CPNE4: variants seen among roughly 807,000 people sequenced by gnomAD.
CPNE4 encodes copine 4.
A neutral mutation model predicts 67.9 loss-of-function variants in CPNE4; 25 were observed. That is an observed-to-expected ratio of 0.37 (90% CI 0.27 to 0.51). CPNE4 has a LOEUF of 0.51. CPNE4 is among the 20% of genes least tolerant of loss of function. The probability of loss-of-function intolerance (pLI) is 0.93; values close to 1 mark genes in which losing one functional copy is unlikely to be tolerated. For synonymous variants in CPNE4, 242 were observed against 244.9 expected (o/e 0.99, Z 0.11); for missense variants, 464 against 690.8 (o/e 0.67, Z 3.68).
intron 1 of CPNE4, among the ~76,000 whole-genome samples, chr3:132,001,549 A>AGAAGAGAAGG (rs60979385): frequency 9.1e-6 from 1 of 110,426 alleles, no homozygotes; most frequent in Non-Finnish European, 1.9e-5. Context: ...AGACAAAGAA[A>AGAAGAGAAGG]AAAGAGAAAG....
chr3:131,637,194 C>T (rs911669912), intron 7 of CPNE4, among the ~76,000 whole-genome samples: 1 of 152,164 alleles, frequency 6.6e-6, no homozygotes, highest in African/African-American at 2.4e-5. Context: ...AAGGCAAAAT[C>T]TCTGAATTGC....
intron 1 of CPNE4, among the ~76,000 whole-genome samples, chr3:132,002,591 A>G (rs1020774372): frequency 1.3e-5 from 2 of 152,114 alleles, no homozygotes; most frequent in African/African-American, 4.8e-5. Context: ...GGAAGTTTGC[A>G]GTTTGTGAAA....
chr3:131,719,587 T>A (rs1027134345), intron 3 of CPNE4, among the ~76,000 whole-genome samples: 1 of 152,218 alleles, frequency 6.6e-6, no homozygotes, highest in Non-Finnish European at 1.5e-5. Context: ...TCATATGTGC[T>A]ATCTCCATCA....
intron 2 of CPNE4, among the ~76,000 whole-genome samples, chr3:131,788,396 G>A (rs2083622636): frequency 6.6e-6 from 1 of 151,964 alleles, no homozygotes. Context: ...ATGATGAAGA[G>A]CATAACAGAA....
At chr3:131,731,815 A>G (rs1220156776) in intron 2 of CPNE4, among the ~76,000 whole-genome samples, 1 of 152,178 alleles carries the variant, frequency 6.6e-6, no homozygotes, top group Admixed American at 6.5e-5. Flanking sequence ...TGCCAGCTCT[A>G]TCTTGCTGTA....
chr3:131,969,928 T>C (rs2072458447), intron 1 of CPNE4, among the ~76,000 whole-genome samples: 1 of 152,190 alleles, frequency 6.6e-6, no homozygotes, highest in Non-Finnish European at 1.5e-5. Flanking sequence ...TCTACCTATA[T>C]AATGGATTTT....
intron 3 of CPNE4, among the ~76,000 whole-genome samples, chr3:131,716,098 T>TA (rs1355639214): frequency 6.6e-6 from 1 of 152,212 alleles, no homozygotes; most frequent in African/African-American, 2.4e-5. Flanking sequence ...GCTGTGCTTA[T>TA]ACTCAGCTTT....
intron 7 of CPNE4, among the ~76,000 whole-genome samples, chr3:131,590,770 G>A (rs940985312): frequency 2.6e-5 from 4 of 152,170 alleles, no homozygotes. Context: ...AATTTGGTGG[G>A]ATGTTTTTAA....
chr3:131,838,858 T>C (rs1403294226), intron 2 of CPNE4, among the ~76,000 whole-genome samples: 1 of 151,862 alleles, frequency 6.6e-6, no homozygotes, highest in Non-Finnish European at 1.5e-5. Flanking sequence ...TATGTGAATG[T>C]ATTTAGTAAA....
At chr3:131,610,917 T>C (rs955409855) in intron 7 of CPNE4, among the ~76,000 whole-genome samples, 1 of 152,116 alleles carries the variant, frequency 6.6e-6, no homozygotes. Context: ...AACAGGACAA[T>C]TCAAAGGCTC....
intron 1 of CPNE4, among the ~76,000 whole-genome samples, chr3:131,908,170 C>T (rs1010445951): frequency 4.6e-5 from 7 of 152,058 alleles, no homozygotes; most frequent in African/African-American, 1.2e-4. Flanking sequence ...TTTCAACCTC[C>T]GTACAGAGTC....
chr3:131,580,394 ATATACATATACATATACATATACATATAC>A (rs1937731041), intron 9 of CPNE4, among the ~76,000 whole-genome samples: 2 of 8,794 alleles, frequency 2.3e-4, no homozygotes, highest in African/African-American at 2.9e-4. Context: ...GCCTCTATAC[ATATACATATACATATACATATACATATAC>A]ATATACATAT....
chr3:131,871,587 A>T (rs1583375961), intron 2 of CPNE4, among the ~76,000 whole-genome samples: 1 of 152,338 alleles, frequency 6.6e-6, no homozygotes, highest in East Asian at 1.9e-4. Flanking sequence ...ATAGAGCAGG[A>T]AGTAGGAGAA....
At chr3:131,776,422 G>A (rs924495203) in intron 2 of CPNE4, among the ~76,000 whole-genome samples, 6 of 152,050 alleles carry the variant, frequency 3.9e-5, no homozygotes, top group Non-Finnish European at 5.9e-5. Context: ...CACCCTGATG[G>A]GAGGCTTTGA....
intron 1 of CPNE4, among the ~76,000 whole-genome samples, chr3:132,005,077 G>A (rs2073552520): frequency 6.6e-6 from 1 of 151,520 alleles, no homozygotes; most frequent in Admixed American, 6.6e-5. Flanking sequence ...TTCAATGACA[G>A]GTATAAAACA....
intron 2 of CPNE4, among the ~76,000 whole-genome samples, chr3:131,796,699 C>G (rs2083927896): frequency 6.6e-6 from 1 of 152,152 alleles, no homozygotes; most frequent in Non-Finnish European, 1.5e-5. Context: ...CATTCAACCA[C>G]AAGCTTCCCA....
rs116759227 is a variant in CPNE4, at chr3:132,008,175, G to C, written c.-2+26392C>G. Among the ~76,000 whole-genome samples, 1,099 of 152,242 alleles carry C rather than the reference G, an allele frequency of 7.2e-3. 15 individuals carry two copies. Among genetic ancestry groups the C allele is most frequent in the African/African-American group, 0.025 (1,036 of 41,546 alleles). ...TATGACTTATTATTTCTTATTGAAT[G>C]AGGATTGAATGAAGGTATACAAAAT... is the stretch of plus-strand genomic sequence containing the variant. On this transcript the variant is annotated intron_variant, in intron 1 of 15. Coordinates refer to ENST00000429747, the MANE Select transcript of CPNE4 (RefSeq NM_130808.3).
intron 7 of CPNE4, among the ~76,000 whole-genome samples, chr3:131,655,350 C>A (rs1182189154): frequency 6.6e-6 from 1 of 152,198 alleles, no homozygotes; most frequent in Admixed American, 6.5e-5. Flanking sequence ...TATTCTAGAT[C>A]ATATGCTGAC....
intron 1 of CPNE4, among the ~76,000 whole-genome samples, chr3:131,950,141 A>G (rs1216588665): frequency 6.6e-6 from 1 of 152,208 alleles, no homozygotes; most frequent in East Asian, 1.9e-4. Context: ...AGGCCCCTAA[A>G]AACTTCTGGT....
Sources: gnomAD v4.1 joint callset for allele counts (sites outside exome capture counted in the v4.1 genomes callset) on GRCh38, gnomAD v4.1.1 for gene constraint, MANE v1.5 for transcripts, NCBI Gene and HGNC (gene_info 2026-07-23, HGNC 2026-07-21) for gene names.